Variants in ASAP1 observed in about 807,000 individuals in gnomAD.
ASAP1 encodes the protein ArfGAP with SH3 domain, ankyrin repeat and PH domain 1.
Under a neutral mutation model 145.2 loss-of-function variants are expected in ASAP1, and 43 were observed. The observed-to-expected ratio is 0.30, with a 90% confidence interval of 0.23 to 0.38. ASAP1 has a LOEUF of 0.38. ASAP1 is among the 10% of genes least tolerant of loss of function. ASAP1 has a pLI of 1.00. For missense variants in ASAP1, 1,018 were observed against 1,355.3 expected, an observed-to-expected ratio of 0.75 and a Z score of 3.91; for synonymous variants, 546 against 515.5, an observed-to-expected ratio of 1.06 and a Z score of -0.80.
Position 130,112,289 on chromosome 8 carries a change from G to T in ASAP1, c.2206C>A (p.Pro736Thr). Residue 736 changes from proline to threonine, a missense_variant, in exon 24 of 30, where the codon CCT becomes ACT. By Grantham distance (38) the Pro-to-Thr change is conservative. Around this residue, in one of 9 missense-constraint regions of ASAP1, gnomAD observed 353 missense variants for 375.4 expected, o/e 0.94. Transcript: ENST00000518721. ...CTGGAGGAGTGGCAGAAGCTCTGAG[G>T]TCTGGGTGAGCGCTCTTTCTTGATA... ...SPIKKERSPR[P>T]QSFCHSSSIS... 6.2e-7 allele frequency: 1 copy of T among 1,614,222 alleles called. No individual in the cohort carries two copies. Among genetic ancestry groups the T allele is most frequent in the Non-Finnish European group, 8.5e-7 (1 of 1,180,018 alleles).
intron 10 of ASAP1, among the ~76,000 whole-genome samples, chr8:130,168,576 T>A (rs1039974822): frequency 2.0e-5 from 3 of 151,938 alleles, no homozygotes; most frequent in South Asian, 4.2e-4. Context: ...GGCGACAGAG[T>A]GAGACTCTGA....
chr8:130,159,600 C>T (rs1473518181), intron 12 of ASAP1, among the ~76,000 whole-genome samples: 1 of 150,090 alleles, frequency 6.7e-6, no homozygotes, highest in Non-Finnish European at 1.5e-5. Context: ...GAGGTCAGCA[C>T]TTGCCTGCTG....
chr8:130,138,346 A>T (rs1189395338), intron 13 of ASAP1, among the ~76,000 whole-genome samples: 1 of 152,224 alleles, frequency 6.6e-6, no homozygotes, highest in African/African-American at 2.4e-5. Flanking sequence ...GAACTGCTTT[A>T]GGGGAGGAAG....
At chr8:130,067,994 AAG>A (rs1280011816) in intron 27 of ASAP1, among the ~76,000 whole-genome samples, 1 of 152,168 alleles carries the variant, frequency 6.6e-6, no homozygotes, top group East Asian at 1.9e-4. Flanking sequence ...GTGGTTTGAG[AAG>A]AGAAAGGATA....
At chr8:130,324,835 G>C (rs888311686) in intron 3 of ASAP1, among the ~76,000 whole-genome samples, 6 of 152,148 alleles carry the variant, frequency 3.9e-5, no homozygotes, top group Non-Finnish European at 7.3e-5. Context: ...CTTTTGAAAA[G>C]CAAAAGCACA....
intron 2 of ASAP1, among the ~76,000 whole-genome samples, chr8:130,393,296 A>G (rs1042489759): frequency 1.3e-5 from 2 of 152,236 alleles, no homozygotes; most frequent in Non-Finnish European, 2.9e-5. Context: ...ACAGTGCTAA[A>G]CAGTGAGCAT....
In ASAP1 at chr8:130,054,598, T is replaced by C. The variant is rs1015819774; in HGVS notation, c.*133A>G. 6 of 721,848 alleles carry C rather than the reference T, an allele frequency of 8.3e-6. No homozygotes were observed. Among genetic ancestry groups the C allele is most frequent in the Non-Finnish European group, 1.5e-5 (6 of 407,054 alleles). The allele number at this position is 721,848 out of a possible 1,614,324, so 44.7% of individuals were successfully genotyped here. A position where few individuals can be genotyped will look rare whatever the true frequency, so the allele number is the denominator to read the frequency against. On this transcript the variant is annotated 3_prime_UTR_variant, in exon 30 of 30. Coordinates refer to ENST00000518721, the MANE Select transcript of ASAP1 (RefSeq NM_018482.4). The stretch of plus-strand genomic sequence containing the variant: ...CAGGATATTTACAACACACATTATA[T>C]CCCCCTCCTGAGGTGGCCCTTCCAT...
intron 1 of ASAP1, among the ~76,000 whole-genome samples, chr8:130,429,426 C>CAA (rs1205650770): frequency 6.6e-6 from 1 of 152,156 alleles, no homozygotes; most frequent in African/African-American, 2.4e-5. Context: ...ACCTATGAGG[C>CAA]AAAAGTCTTA....
chr8:130,169,118 A>G lies in ASAP1; in HGVS notation c.747-51T>C, dbSNP rs373686845. Reference sequence around the variant, plus strand: ...ACCACCAGTATAAAAAAAAAAGAGTATTTGTTTCCTTATGTGGAAATAAAA... The same window carrying G: ...ACCACCAGTATAAAAAAAAAAGAGTGTTTGTTTCCTTATGTGGAAATAAAA... On this transcript the variant is annotated intron_variant, in intron 9 of 29. Coordinates refer to ENST00000518721, the MANE Select transcript of ASAP1 (RefSeq NM_018482.4). 8.4e-4 allele frequency: 970 copies of G among 1,155,790 alleles called. 2 individuals carry two copies. The highest frequency in any genetic ancestry group is 8.9e-4 in the Non-Finnish European group (711 of 797,862). 71.6% of individuals were successfully genotyped at this position (1,155,790 alleles called of 1,614,324 possible). A position where few individuals can be genotyped will look rare whatever the true frequency, so the allele number is the denominator to read the frequency against.
chr8:130,182,280 A>G (rs1278897084), intron 7 of ASAP1, among the ~76,000 whole-genome samples: 2 of 152,234 alleles, frequency 1.3e-5, no homozygotes, highest in Non-Finnish European at 2.9e-5. Context: ...GAGTAAAGGC[A>G]TAAGAACAGA....
intron 23 of ASAP1, 107 bp downstream of exon 23, chr8:130,115,521 G>T: frequency 2.3e-6 from 2 of 857,334 alleles, no homozygotes; most frequent in Non-Finnish European, 3.8e-6. Flanking sequence ...TGATACATTG[G>T]ATCATAAAAC....
chr8:130,358,286 C>T lies in ASAP1; in HGVS notation c.60-143G>A, dbSNP rs1826472662. 3 of 519,984 alleles carry T rather than the reference C, an allele frequency of 5.8e-6. No individual in the cohort carries two copies. Among genetic ancestry groups the T allele is most frequent in the Non-Finnish European group, 7.7e-6 (3 of 389,478 alleles). 32.2% of individuals were successfully genotyped at this position (519,984 alleles called of 1,614,324 possible). A position where few individuals can be genotyped will look rare whatever the true frequency, so the allele number is the denominator to read the frequency against. The stretch of plus-strand genomic sequence containing the variant: ...CGGCCTGGCGCGCGGCTCCCGTCCC[C>T]GGCAGCGGCGAGAGGGAGGGAAGGA... On this transcript the variant is annotated intron_variant, in intron 2 of 29. Coordinates refer to ENST00000518721, the MANE Select transcript of ASAP1 (RefSeq NM_018482.4). The surrounding 1 kb of genome is among the most constrained non-coding windows in gnomAD (Gnocchi z 4.1).
intron 2 of ASAP1, chr8:130,361,564 G>A: frequency 1.2e-6 from 1 of 852,846 alleles, no homozygotes; most frequent in Non-Finnish European, 1.9e-6. Flanking sequence ...CATCTCCTTT[G>A]GCCAAGAAAG....
chr8:130,325,825 A>G (rs1395495950), intron 3 of ASAP1, among the ~76,000 whole-genome samples: 1 of 152,200 alleles, frequency 6.6e-6, no homozygotes, highest in East Asian at 1.9e-4. Flanking sequence ...TGGATGACAA[A>G]ACCAAGGCTC....
At chr8:130,179,428 C>A in intron 8 of ASAP1, 79 bp from the exon 9 acceptor site, 1 of 833,366 alleles carries the variant, frequency 1.2e-6, no homozygotes, top group Non-Finnish European at 2.0e-6. Flanking sequence ...GGCTGAACAT[C>A]ACCCCTGAAT....
intron 3 of ASAP1, among the ~76,000 whole-genome samples, chr8:130,331,694 C>T (rs942795269): frequency 1.4e-4 from 21 of 152,238 alleles, no homozygotes; most frequent in Middle Eastern, 3.4e-3. Context: ...TCAAGAGGTG[C>T]CAAGCCCTCA....
intron 3 of ASAP1, among the ~76,000 whole-genome samples, chr8:130,311,890 A>T (rs186642856): frequency 2.6e-5 from 4 of 151,492 alleles, no homozygotes; most frequent in Admixed American, 2.6e-4. Flanking sequence ...AAACAAAAAC[A>T]ACTCAAAAAA....
intron 15 of ASAP1, among the ~76,000 whole-genome samples, chr8:130,128,743 C>A (rs962769507): frequency 2.6e-5 from 4 of 152,112 alleles, no homozygotes; most frequent in African/African-American, 4.8e-5. Context: ...ACTAAAATAA[C>A]CTAGAAACCC....
intron 5 of ASAP1, among the ~76,000 whole-genome samples, chr8:130,190,492 T>A (rs767989667): frequency 6.6e-6 from 1 of 152,128 alleles, no homozygotes; most frequent in African/African-American, 2.4e-5. Context: ...GGGTTCTCTA[T>A]TTGGTTCCAC....
Sources: gnomAD v4.1 joint callset for allele counts (sites outside exome capture counted in the v4.1 genomes callset) on GRCh38, gnomAD v4.1.1 for gene constraint, gnomAD v4.1.1 regional missense constraint, Gnocchi (gnomAD v3.1) non-coding constraint, MANE v1.5 for transcripts, NCBI Gene and HGNC (gene_info 2026-07-23, HGNC 2026-07-21) for gene names.